The following TRPM2 variants were observed in gnomAD, a reference collection of about 807,000 sequenced individuals.
The protein encoded by TRPM2 is transient receptor potential cation channel subfamily M member 2.
A neutral mutation model predicts 174.0 loss-of-function variants in TRPM2; 161 were observed. The observed-to-expected ratio is 0.93, with a 90% CI of 0.81 to 1.05. The LOEUF (loss-of-function observed/expected upper bound fraction) is 1.05. Among genes scored for constraint, TRPM2 ranks in the 50% least tolerant of loss-of-function variants. The pLI, the probability that TRPM2 is intolerant of heterozygous loss-of-function variation, is 0.00. For missense variants in TRPM2, 2,057 were observed against 2,038.0 expected, an observed-to-expected ratio of 1.01 and a Z score of -0.18; for synonymous variants, 954 against 861.3, an observed-to-expected ratio of 1.11 and a Z score of -1.88.
At chr21:44,368,714 G>A (rs1353566673) in intron 4 of TRPM2, among the ~76,000 whole-genome samples, 9 of 152,200 alleles carry the variant, frequency 5.9e-5, no homozygotes, top group African/African-American at 2.2e-4. Flanking sequence ...TTACAGGCGT[G>A]AGCCACCGTG....
At chr21:44,424,048 G>A (rs2050653385) in intron 23 of TRPM2, among the ~76,000 whole-genome samples, 1 of 152,166 alleles carries the variant, frequency 6.6e-6, no homozygotes, top group Non-Finnish European at 1.5e-5. Context: ...CTCTGTGCCT[G>A]AGCCCTGGAG....
At chr21:44,363,059 A>C (rs2048263373) in intron 2 of TRPM2, among the ~76,000 whole-genome samples, 1 of 152,234 alleles carries the variant, frequency 6.6e-6, no homozygotes, top group African/African-American at 2.4e-5. Context: ...GGCGTGAGCC[A>C]CTGCGCCTCG....
intron 19 of TRPM2, 139 bp downstream of exon 19, chr21:44,406,904 G>A: frequency 2.6e-6 from 3 of 1,166,468 alleles, no homozygotes; most frequent in South Asian, 1.5e-5. Flanking sequence ...GTCCTCCCTG[G>A]GGGCATTCAT....
intron 5 of TRPM2, among the ~76,000 whole-genome samples, chr21:44,374,823 C>T (rs2048647688): frequency 1.3e-5 from 2 of 152,210 alleles, no homozygotes; most frequent in Non-Finnish European, 2.9e-5. Context: ...TCACAGGCCA[C>T]AGACCATTAC....
chr21:44,366,589 C>T lies in TRPM2; in HGVS notation c.424-165C>T, dbSNP rs775784849. ...GGGCCTCTCTGCCTCCCTCTTCTCTCGTGATCTGTGCCCTGCCCACATGGG... is the reference window on the plus strand; with the variant it reads ...GGGCCTCTCTGCCTCCCTCTTCTCTTGTGATCTGTGCCCTGCCCACATGGG... On this transcript the variant is annotated intron_variant, in intron 3 of 31. Transcript: ENST00000397928. This position sits in a 1 kb window ranked among gnomAD's most constrained non-coding sequence, Gnocchi z 6.0. 1.6e-4 allele frequency among the ~76,000 whole-genome samples: 24 copies of T among 152,134 alleles called. No homozygotes were observed. The highest frequency in any genetic ancestry group is 2.4e-4 in the Non-Finnish European group (16 of 68,012).
intron 8 of TRPM2, among the ~76,000 whole-genome samples, chr21:44,381,309 C>A (rs528635809): frequency 6.6e-6 from 1 of 151,780 alleles, no homozygotes; most frequent in Non-Finnish European, 1.5e-5. Context: ...TGGAGTTGCT[C>A]GCCCTGGACA....
chr21:44,395,674 GTGTGGAGGGGTGTGGAGGGCTGTGGAGGA>G (rs1390006438), intron 12 of TRPM2, 123 bp downstream of exon 12: 14 of 453,886 alleles, frequency 3.1e-5, no homozygotes, highest in African/African-American at 7.8e-5. Flanking sequence ...CTGTGGAGGG[GTGTGGAGGGGTGTGGAGGGCTGTGGAGGA>G]TGTGGAGGGG....
intron 20 of TRPM2, 105 bp from the exon 21 acceptor site, chr21:44,417,822 G>A (rs1362588329): frequency 8.2e-5 from 99 of 1,206,372 alleles, no homozygotes; most frequent in Middle Eastern, 4.2e-4. Context: ...GCATGTGGGC[G>A]TGGCTCTGCT....
At chr21:44,404,418 TAC>T (rs2049789145) in intron 16 of TRPM2, among the ~76,000 whole-genome samples, 1 of 152,264 alleles carries the variant, frequency 6.6e-6, no homozygotes, top group South Asian at 2.1e-4. Flanking sequence ...TTCACACGTA[TAC>T]ACACATACAT....
Position 44,399,335 on chromosome 21 carries a change from C to T in TRPM2, c.2102C>T (p.Ala701Val). 8.1e-6 allele frequency: 13 copies of T among 1,612,818 alleles called. No homozygotes were observed. Among genetic ancestry groups the T allele is most frequent in the Non-Finnish European group, 1.1e-5 (13 of 1,179,888 alleles). Residue 701 changes from alanine to valine, a missense_variant, in exon 14 of 32, where the codon GCC (alanine) becomes GTC (valine). Coordinates refer to ENST00000397928, the MANE Select transcript of TRPM2 (RefSeq NM_003307.4). This position sits in a 1 kb window ranked among gnomAD's most constrained non-coding sequence, Gnocchi z 4.6. Reference sequence around the variant, plus strand: ...TGCTACCGGAAGGACGAAGAGAGAGCCCAGAAACTGCTCACCCGCGTGTCC... The same window carrying T: ...TGCTACCGGAAGGACGAAGAGAGAGTCCAGAAACTGCTCACCCGCGTGTCC... ...TECYRKDEER[A>V]QKLLTRVSEA...
intron 20 of TRPM2, among the ~76,000 whole-genome samples, chr21:44,417,142 C>T (rs1372712293): frequency 7.2e-6 from 1 of 139,184 alleles, no homozygotes; most frequent in Admixed American, 7.0e-5. Flanking sequence ...TCTGGCATCA[C>T]AGTGGGCACG....
chr21:44,381,625 GA>G (rs2048881740), intron 8 of TRPM2, among the ~76,000 whole-genome samples: 1 of 152,044 alleles, frequency 6.6e-6, no homozygotes, highest in South Asian at 2.1e-4. Flanking sequence ...AAAATGGATG[GA>G]CTGGGCACTG....
Position 44,353,632 on chromosome 21 carries a change from G to A in TRPM2, c.-69G>A. ...CCCCATGTGTCTCTAGAACCCCAGT[G>A]TAGCGAGCTGGAGAGAGGACTGTCC... On this transcript the variant is annotated 5_prime_UTR_variant, in exon 1 of 32. Transcript: ENST00000397928. 3.6e-6 allele frequency: 5 copies of A among 1,390,512 alleles called. No individual in the cohort carries two copies. In the East Asian group the frequency reaches 1.5e-4, roughly 42 times the overall value. The allele number at this position is 1,390,512 out of a possible 1,614,324, so 86.1% of individuals were successfully genotyped here.
chr21:44,437,027 C>G, intron 28 of TRPM2, 35 bp from the exon 29 acceptor site: 1 of 1,539,592 alleles, frequency 6.5e-7, no homozygotes. Context: ...GAGGCCGCAG[C>G]GGGTCCTGGG....
chr21:44,405,391 G>A, intron 17 of TRPM2, 131 bp downstream of exon 17: 1 of 1,378,724 alleles, frequency 7.3e-7, no homozygotes, highest in East Asian at 2.5e-5. Context: ...ATTGTCATCT[G>A]TCCAATGGGT....
rs114790857 is a variant in TRPM2, at chr21:44,361,316, T to C, written c.255-2798T>C. ...TCAGTAGAGACAGGGCTTCACCATG[T>C]TGTCCAGGATGGCTTTGAACTCCTG... On this transcript the variant is annotated intron_variant, in intron 2 of 31. Coordinates refer to ENST00000397928, the MANE Select transcript of TRPM2 (RefSeq NM_003307.4). 2.4e-3 allele frequency among the ~76,000 whole-genome samples: 371 copies of C among 152,236 alleles called. 2 individuals are homozygous for C. The highest frequency in any genetic ancestry group is 0.01 in the Middle Eastern group (3 of 294).
rs766227028 is a variant in TRPM2, at chr21:44,366,942, G to A, written c.604+8G>A. The A allele has an allele frequency of 5.7e-6, 9 of 1,568,736 alleles. No individual in the cohort carries two copies. The highest frequency in any genetic ancestry group is 1.2e-5 in the South Asian group (1 of 84,676). On this transcript the variant is annotated splice_region_variant and intron_variant, in intron 4 of 31. Transcript: ENST00000397928. This position sits in a 1 kb window ranked among gnomAD's most constrained non-coding sequence, Gnocchi z 6.0. ...AGGTGGCTCAGACCACAGGTAACTC[G>A]GAGGCTGGAGGGACACGAGGCCCCG...
At chr21:44,421,074 C>G (rs2050531302) in intron 22 of TRPM2, among the ~76,000 whole-genome samples, 1 of 152,088 alleles carries the variant, frequency 6.6e-6, no homozygotes, top group South Asian at 2.1e-4. Context: ...AATCTCAGCA[C>G]TTTGGGAGGC....
intron 2 of TRPM2, among the ~76,000 whole-genome samples, chr21:44,361,498 C>T (rs766764536): frequency 2.0e-5 from 3 of 152,142 alleles, no homozygotes; most frequent in Non-Finnish European, 4.4e-5. Flanking sequence ...TTTTGGTAGA[C>T]GTCAAATAAT....
Sources: allele counts gnomAD v4.1 joint callset (sites outside exome capture counted in the v4.1 genomes callset), GRCh38; gene constraint gnomAD v4.1.1; non-coding constraint Gnocchi (gnomAD v3.1); transcripts MANE v1.5; gene names NCBI Gene and HGNC (gene_info 2026-07-23, HGNC 2026-07-21).